BRD7: variants seen among roughly 807,000 people sequenced by gnomAD.
BRD7 encodes the protein bromodomain containing 7.
Under a neutral mutation model 82.1 loss-of-function variants are expected in BRD7, and 15 were observed. The observed-to-expected ratio is 0.18, with a 90% CI of 0.12 to 0.28. The LOEUF (loss-of-function observed/expected upper bound fraction) is 0.28, where lower values mean the gene tolerates loss of function less well. Among genes scored for constraint, BRD7 ranks in the 10% least tolerant of loss-of-function variants. BRD7 has a pLI of 1.00. For synonymous variants in BRD7, 232 were observed against 266.9 expected (o/e 0.87, Z 1.27); for missense variants, 638 against 779.9 (o/e 0.82, Z 2.17).
intron 2 of BRD7, among the ~76,000 whole-genome samples, chr16:50,363,641 T>TGTGTGTG (rs2039012877): frequency 1.0e-4 from 15 of 149,174 alleles, no homozygotes; most frequent in Middle Eastern, 3.4e-3. Context: ...CGTTGTGTGT[T>TGTGTGTG]TGTGTGTGTG....
chr16:50,356,058 G>C (rs1467711969), intron 2 of BRD7, among the ~76,000 whole-genome samples: 3 of 152,196 alleles, frequency 2.0e-5, no homozygotes, highest in Admixed American at 6.5e-5. Flanking sequence ...GAGAACATGA[G>C]AACTAGCTCA....
At chr16:50,362,710 G>GT (rs761877554) in intron 2 of BRD7, among the ~76,000 whole-genome samples, 1 of 152,310 alleles carries the variant, frequency 6.6e-6, no homozygotes, top group Non-Finnish European at 1.5e-5. Context: ...GACAAATACT[G>GT]TATCATTCCA....
chr16:50,340,140 G>T, intron 5 of BRD7, 54 bp from the exon 6 acceptor site: 1 of 974,830 alleles, frequency 1.0e-6, no homozygotes, highest in Non-Finnish European at 1.5e-6. Flanking sequence ...AAACTACCCT[G>T]CACCCCCAGG....
At chr16:50,362,795 G>A (rs1000441688) in intron 2 of BRD7, among the ~76,000 whole-genome samples, 2 of 152,042 alleles carry the variant, frequency 1.3e-5, no homozygotes, top group Admixed American at 1.3e-4. Context: ...AGGGAGAAAG[G>A]AAAATGGGGA....
chr16:50,360,102 A>T (rs1233592344), intron 2 of BRD7, among the ~76,000 whole-genome samples: 3 of 152,234 alleles, frequency 2.0e-5, no homozygotes, highest in Non-Finnish European at 2.9e-5. Context: ...ACCGAACCAC[A>T]TTATTCACTC....
chr16:50,334,685 A>T (rs1229388545), intron 7 of BRD7, 26 bp downstream of exon 7: 1 of 1,609,460 alleles, frequency 6.2e-7, no homozygotes, highest in Non-Finnish European at 8.5e-7. Flanking sequence ...AGACAGTTTG[A>T]CCTTAACATC....
At chr16:50,323,256 A>G (rs1793848780) in intron 12 of BRD7, among the ~76,000 whole-genome samples, 2 of 152,262 alleles carry the variant, frequency 1.3e-5, no homozygotes, top group African/African-American at 4.8e-5. Context: ...CTATCATTTT[A>G]GCCAACTTAG....
At chr16:50,339,928 C>T (rs754247375) in intron 6 of BRD7, 48 bp downstream of exon 6, 36 of 1,170,860 alleles carry the variant, frequency 3.1e-5, no homozygotes, top group Admixed American at 8.6e-5. Context: ...CAACAAACAG[C>T]GACACAGATT....
At chr16:50,364,967 A>G (rs187909709) in intron 2 of BRD7, among the ~76,000 whole-genome samples, 2 of 152,374 alleles carry the variant, frequency 1.3e-5, no homozygotes, top group African/African-American at 2.4e-5. Flanking sequence ...AGAGCACGTA[A>G]GAGACAAAGG....
At chr16:50,368,472 C>A in intron 1 of BRD7, 174 bp from the exon 2 acceptor site, 1 of 811,326 alleles carries the variant, frequency 1.2e-6, no homozygotes. Flanking sequence ...GCGCCGCCCG[C>A]CCCGAACGCT....
In BRD7 at chr16:50,333,722, TAAA is replaced by T. The variant is rs56370009; in HGVS notation, c.888-28_888-26del. ...CCTGAAAATATACATTAATACTAAG[TAAA>T]AAAAAAACAAAGATAAGTAAGATGA... On this transcript the variant is annotated intron_variant, in intron 7 of 16. Coordinates refer to ENST00000394688, the MANE Select transcript of BRD7 (RefSeq NM_013263.5). The T allele has an allele frequency of 2.9e-6, 3 of 1,048,616 alleles. No homozygotes were observed. In the Admixed American group the frequency reaches 7.4e-5, roughly 26 times the overall value. 65.0% of individuals were successfully genotyped at this position (1,048,616 alleles called of 1,614,324 possible).
chr16:50,339,887 C>A, intron 6 of BRD7, 89 bp downstream of exon 6: 2 of 603,724 alleles, frequency 3.3e-6, no homozygotes, highest in Non-Finnish European at 5.4e-6. Context: ...AAAATAAAAT[C>A]AATACTGTAT....
chr16:50,330,001 G>T (rs967193021), intron 8 of BRD7, among the ~76,000 whole-genome samples: 1 of 152,110 alleles, frequency 6.6e-6, no homozygotes, highest in African/African-American at 2.4e-5. Flanking sequence ...GGACCTAAAG[G>T]AATTTCTGGC....
intron 8 of BRD7, among the ~76,000 whole-genome samples, chr16:50,330,202 G>C (rs973650746): frequency 6.6e-6 from 1 of 152,122 alleles, no homozygotes; most frequent in Non-Finnish European, 1.5e-5. Flanking sequence ...TCAGTGATTT[G>C]GGGTGATCTA....
intron 2 of BRD7, among the ~76,000 whole-genome samples, chr16:50,356,396 T>G (rs1283973264): frequency 6.6e-6 from 1 of 152,180 alleles, no homozygotes; most frequent in Non-Finnish European, 1.5e-5. Flanking sequence ...CCAATGCCTA[T>G]TAAAAGGAAA....
Position 50,320,762 on chromosome 16 carries a change from C to T in BRD7, c.1513G>A (p.Glu505Lys), listed in dbSNP as rs773594295. 1.9e-6 allele frequency: 3 copies of T among 1,613,316 alleles called. No homozygotes were observed. The African/African-American group carries it at 4.0e-5, about 22-fold the overall frequency. Residue 505 changes from glutamate (E) to lysine (K), a missense_variant, in exon 14 of 17, where the codon GAG becomes AAG. Around this residue, in one of 3 missense-constraint regions of BRD7, gnomAD observed 402 missense variants for 500.8 expected, o/e 0.80. Transcript: ENST00000394688. ...TAKEMEITEV[E>K]PPGRLDSSTQ... ...CTGGAGTCCAAACGCCCTGGTGGCT[C>T]TACTTCTGTAATCTGCTTCAAAAGG... is the stretch of plus-strand genomic sequence containing the variant.
chr16:50,349,422 T>C (rs1401267129), intron 5 of BRD7: 2 of 371,428 alleles, frequency 5.4e-6, no homozygotes, highest in African/African-American at 2.2e-5. Context: ...ATGTAAACCA[T>C]CTAAAAAAAA....
At chr16:50,355,009 T>A in intron 2 of BRD7, 87 bp from the exon 3 acceptor site, 1 of 1,430,288 alleles carries the variant, frequency 7.0e-7, no homozygotes, top group Non-Finnish European at 9.5e-7. Context: ...TAAAAAGACA[T>A]CATTGTAAAG....
intron 7 of BRD7, among the ~76,000 whole-genome samples, chr16:50,333,900 C>T (rs1456664136): frequency 6.6e-6 from 1 of 152,214 alleles, no homozygotes; most frequent in Non-Finnish European, 1.5e-5. Flanking sequence ...TGTTATTTCC[C>T]TACCTTTTTC....
Sources: gnomAD v4.1 joint callset for allele counts (sites outside exome capture counted in the v4.1 genomes callset) on GRCh38, gnomAD v4.1.1 for gene constraint, gnomAD v4.1.1 regional missense constraint, MANE v1.5 for transcripts, NCBI Gene and HGNC (gene_info 2026-07-23, HGNC 2026-07-21) for gene names.